The following RNF115 variants were observed in gnomAD, a reference collection of about 807,000 sequenced individuals.
The protein encoded by RNF115 is E3 ubiquitin-protein ligase RNF115.
RNF115 carries 31 observed loss-of-function variants against 39.2 expected under a neutral mutation model. The observed-to-expected ratio is 0.79, with a 90% CI of 0.59 to 1.07. RNF115 has a LOEUF of 1.07. RNF115 is among the 50% of genes least tolerant of loss of function. The pLI, the probability that RNF115 is intolerant of heterozygous loss-of-function variation, is 0.00. For missense variants in RNF115, 384 were observed against 381.7 expected (o/e 1.01, Z -0.05); for synonymous variants, 124 against 131.0 (o/e 0.95, Z 0.37).
In RNF115 at chr1:145,823,978, C is replaced by T; in HGVS notation, c.-105G>A. 3.7e-6 allele frequency: 3 copies of T among 816,628 alleles called. No individual in the cohort carries two copies. The highest frequency in any genetic ancestry group is 5.3e-6 in the Non-Finnish European group (3 of 570,818). 50.6% of individuals were successfully genotyped at this position (816,628 alleles called of 1,614,324 possible). On this transcript the variant is annotated 5_prime_UTR_variant, in exon 1 of 9. Coordinates refer to ENST00000582693, the MANE Select transcript of RNF115 (RefSeq NM_014455.4). ...CGCCGCCGCCGCCGCCTCGGTGCGG[C>T]CCACCGCTTCAGAGCCCGCGTCGGT... is the stretch of plus-strand genomic sequence containing the variant.
intron 1 of RNF115, among the ~76,000 whole-genome samples, chr1:145,814,582 A>T (rs1185776383): frequency 2.1e-5 from 3 of 141,586 alleles, no homozygotes; most frequent in African/African-American, 2.6e-5. Flanking sequence ...AACTCCGTTT[A>T]AAAAAAAAAA....
Position 145,743,049 on chromosome 1 carries a change from C to A in RNF115, c.*3817G>T, listed in dbSNP as rs1657732558. The A allele has an allele frequency of 6.6e-6, 1 of 152,152 alleles. No homozygotes were observed. The highest frequency in any genetic ancestry group is 2.4e-5 in the African/African-American group (1 of 41,436). 9.4% of individuals were successfully genotyped at this position (152,152 alleles called of 1,614,324 possible). A position where few individuals can be genotyped will look rare whatever the true frequency, so the allele number is the denominator to read the frequency against. On this transcript the variant is annotated 3_prime_UTR_variant, in exon 9 of 9. Coordinates refer to ENST00000582693, the MANE Select transcript of RNF115 (RefSeq NM_014455.4). ...AAACTTAATTGGGATGAGGAGCACT[C>A]TGTATACATGTATCATTTCTGTTTT... is the stretch of plus-strand genomic sequence containing the variant.
At chr1:145,760,658 G>A (rs145164865) in intron 4 of RNF115, among the ~76,000 whole-genome samples, 1 of 152,282 alleles carries the variant, frequency 6.6e-6, no homozygotes, top group East Asian at 1.9e-4. Context: ...ATGTGGAACT[G>A]TAAGTCCAAT....
rs1553712319 is a variant in RNF115, at chr1:145,750,460, T to C, written c.614A>G (p.Asp205Gly). ...QLENTGPPPA[D>G]KEKITSLPTV... ...TGGAAGAGATGTGATCTTTTCCTTG[T>C]CAGCTGGGGGAGGGCCTGTGTTTTC... The change falls in exon 7 of 9, where the codon GAC becomes GGC. Residue 205 changes from aspartate (D) to glycine (G), a missense_variant. Physicochemically the swap from Asp to Gly is moderately conservative, Grantham distance 94. Transcript: ENST00000582693. 2.5e-6 allele frequency: 4 copies of C among 1,614,090 alleles called. No homozygotes were observed. In the South Asian group the frequency reaches 3.3e-5, roughly 13 times the overall value.
chr1:145,750,351 C>T, intron 7 of RNF115, 56 bp downstream of exon 7: 1 of 1,356,096 alleles, frequency 7.4e-7, no homozygotes, highest in Non-Finnish European at 1.0e-6. Context: ...TCAGAAGATA[C>T]CGGGATTTTG....
intron 4 of RNF115, among the ~76,000 whole-genome samples, chr1:145,756,708 G>A (rs1658306051): frequency 6.6e-6 from 1 of 151,682 alleles, no homozygotes; most frequent in Non-Finnish European, 1.5e-5. Flanking sequence ...TCTGGCTTCT[G>A]GTGATGTTTG....
intron 1 of RNF115, among the ~76,000 whole-genome samples, chr1:145,800,922 C>A (rs1649206487): frequency 6.6e-6 from 1 of 152,136 alleles, no homozygotes; most frequent in South Asian, 2.1e-4. Context: ...GTAATCCCAG[C>A]ACTTTGGGAG....
intron 1 of RNF115, among the ~76,000 whole-genome samples, chr1:145,820,263 G>C (rs1650175975): frequency 6.6e-6 from 1 of 150,678 alleles, no homozygotes; most frequent in Non-Finnish European, 1.5e-5. Flanking sequence ...CCAGAAATTT[G>C]AGACCAGCCG....
chr1:145,795,610 T>C (rs757894578), intron 1 of RNF115, among the ~76,000 whole-genome samples: 18 of 152,072 alleles, frequency 1.2e-4, no homozygotes, highest in Non-Finnish European at 2.2e-4. Context: ...ATCCAGAAGC[T>C]CAGCGGGCTT....
At chr1:145,750,338 C>A in intron 7 of RNF115, 69 bp downstream of exon 7, 1 of 1,217,786 alleles carries the variant, frequency 8.2e-7, no homozygotes, top group Non-Finnish European at 1.2e-6. Flanking sequence ...AACTTTTCAC[C>A]TGTCAGAAGA....
At position 145,746,844 on chromosome 1, in the gene RNF115, G is replaced by A; in HGVS notation, c.*22C>T. 1.2e-6 allele frequency: 2 copies of A among 1,612,224 alleles called. No homozygotes were observed. The highest frequency in any genetic ancestry group is 1.7e-6 in the Non-Finnish European group (2 of 1,178,720). Reference sequence around the variant, plus strand: ...ATGGTAAGATGATTACCACAGCCCTGATTCAGGTGTGGTCTTTAGCTTCAG... The same window carrying A: ...ATGGTAAGATGATTACCACAGCCCTAATTCAGGTGTGGTCTTTAGCTTCAG... On this transcript the variant is annotated 3_prime_UTR_variant, in exon 9 of 9. Coordinates refer to ENST00000582693, the MANE Select transcript of RNF115 (RefSeq NM_014455.4).
intron 4 of RNF115, among the ~76,000 whole-genome samples, chr1:145,766,192 G>A (rs890743990): frequency 1.8e-4 from 28 of 152,258 alleles, no homozygotes; most frequent in Non-Finnish European, 1.6e-4. Context: ...GAGTGGCGAT[G>A]ACTCTTAACA....
intron 4 of RNF115, among the ~76,000 whole-genome samples, chr1:145,760,714 C>T (rs1453629831): frequency 3.3e-5 from 5 of 152,018 alleles, no homozygotes; most frequent in Admixed American, 1.3e-4. Flanking sequence ...TTATCAGCAG[C>T]GTGAAAATGG....
chr1:145,759,848 C>G (rs1450477305), intron 4 of RNF115, among the ~76,000 whole-genome samples: 1 of 152,008 alleles, frequency 6.6e-6, no homozygotes, highest in Non-Finnish European at 1.5e-5. Flanking sequence ...ATTGGTCTCT[C>G]CTTGTTTGTC....
At chr1:145,767,756 C>T (rs1023506554) in intron 4 of RNF115, among the ~76,000 whole-genome samples, 2 of 152,366 alleles carry the variant, frequency 1.3e-5, no homozygotes, top group Non-Finnish European at 2.9e-5. Flanking sequence ...GGATCACTCG[C>T]GGTTAGCAGC....
In RNF115 at chr1:145,752,981, GA is replaced by G; in HGVS notation, c.496del (p.Ser166ProfsTer24). On this transcript the variant is annotated frameshift_variant, in exon 5 of 9. Coordinates refer to ENST00000582693, the MANE Select transcript of RNF115 (RefSeq NM_014455.4). LOFTEE classifies it high-confidence loss of function. ...SAIPGSPHPF[S>X]WSGMLHSNPG... ...TAGAAAACAATTAGTTACTTACCAG[GA>G]AAAAGGGTGTGGAGATCCAGGAATG... The G allele has an allele frequency of 9.4e-6, 15 of 1,596,338 alleles. No individual in the cohort carries two copies. The highest frequency in any genetic ancestry group is 1.3e-5 in the African/African-American group (1 of 74,624).
At chr1:145,753,747 C>T (rs950735446) in intron 4 of RNF115, among the ~76,000 whole-genome samples, 17 of 152,144 alleles carry the variant, frequency 1.1e-4, no homozygotes, top group Middle Eastern at 3.2e-3. Context: ...GACAGAGTCT[C>T]GCTCTGCCGC....
intron 3 of RNF115, among the ~76,000 whole-genome samples, chr1:145,782,467 A>G (rs1648193827): frequency 6.6e-6 from 1 of 152,106 alleles, no homozygotes; most frequent in Non-Finnish European, 1.5e-5. Context: ...ACACACACAC[A>G]CACACTTCTT....
intron 1 of RNF115, among the ~76,000 whole-genome samples, chr1:145,808,766 T>A (rs1298661770): frequency 3.9e-5 from 6 of 152,230 alleles, no homozygotes; most frequent in Non-Finnish European, 8.8e-5. Flanking sequence ...TAACTAGGTA[T>A]GCTAATACCT....
Sources: allele counts gnomAD v4.1 joint callset (sites outside exome capture counted in the v4.1 genomes callset), GRCh38; gene constraint gnomAD v4.1.1; transcripts MANE v1.5; gene names NCBI Gene and HGNC (gene_info 2026-07-23, HGNC 2026-07-21).